The following LARP4 variants were observed in gnomAD, a reference collection of about 807,000 sequenced individuals.
LARP4 encodes la-related protein 4.
Under a neutral mutation model 92.9 loss-of-function variants are expected in LARP4, and 29 were observed. That is an observed-to-expected ratio of 0.31 (90% CI 0.23 to 0.43). LARP4 has a LOEUF of 0.43. Ranked by LOEUF, LARP4 falls within the 20% of genes least tolerant of loss-of-function variation. The pLI, the probability that LARP4 is intolerant of heterozygous loss-of-function variation, is 1.00. For synonymous variants in LARP4, 279 were observed against 284.1 expected (o/e 0.98, Z 0.18); for missense variants, 732 against 860.0 (o/e 0.85, Z 1.86).
intron 1 of LARP4, among the ~76,000 whole-genome samples, chr12:50,406,282 C>T (rs1185416833): frequency 1.3e-5 from 2 of 151,964 alleles, no homozygotes; most frequent in Non-Finnish European, 1.5e-5. Context: ...CCAGCCTGGG[C>T]AACAAAGTTA....
chr12:50,410,090 CA>C (rs59117589), intron 1 of LARP4, among the ~76,000 whole-genome samples: 16,582 of 109,782 alleles, frequency 0.15, 1,686 homozygotes, highest in East Asian at 0.5. Context: ...CCACGCCCGG[CA>C]AAAAAAAAAA....
chr12:50,462,565 C>CCATT lies in LARP4; in HGVS notation c.1335-17_1335-16insCATT. 6.7e-7 allele frequency: 1 copy of CCATT among 1,500,194 alleles called. No individual in the cohort carries two copies. Among genetic ancestry groups the CCATT allele is most frequent in the Non-Finnish European group, 9.2e-7 (1 of 1,091,514 alleles). 92.9% of individuals were successfully genotyped at this position (1,500,194 alleles called of 1,614,324 possible). ...TCCCTCCACCCCACCCCACCCCCAC[C>CCATT]TTTTTCTTATTAAAAGGAGAACTCT... On this transcript the variant is annotated splice_polypyrimidine_tract_variant and intron_variant, in intron 11 of 15. Coordinates refer to ENST00000398473, the MANE Select transcript of LARP4 (RefSeq NM_052879.5).
Position 50,475,777 on chromosome 12 carries a change from A to G in LARP4, c.2088A>G (p.Arg696=). 1.9e-6 allele frequency: 3 copies of G among 1,614,172 alleles called. No individual in the cohort carries two copies. The highest frequency in any genetic ancestry group is 2.5e-6 in the Non-Finnish European group (3 of 1,180,034). ...RGAAGKIREQ[R]RQFSHRAIPQ... is the part of the protein sequence containing the mutation. The stretch of plus-strand genomic sequence containing the variant: ...CAGCAGGAAAAATCAGGGAACAGAG[A>G]CGCCAGTTTAGCCATAGGGCTATAC... Residue 696 remains arginine, a synonymous_variant, in exon 16 of 16, where the codon AGA becomes AGG. Transcript: ENST00000398473.
At chr12:50,416,645 C>T (rs1006461744) in intron 1 of LARP4, among the ~76,000 whole-genome samples, 3 of 152,142 alleles carry the variant, frequency 2.0e-5, no homozygotes, top group Non-Finnish European at 4.4e-5. Context: ...GATCACACCA[C>T]TGCGCTCCAT....
At chr12:50,446,315 T>C (rs1342778134) in intron 8 of LARP4, among the ~76,000 whole-genome samples, 1 of 113,346 alleles carries the variant, frequency 8.8e-6, no homozygotes, top group Non-Finnish European at 1.7e-5. Flanking sequence ...CAATTGCTGT[T>C]TTCTTGACTA....
At chr12:50,452,794 T>C (rs1953468462) in intron 8 of LARP4, among the ~76,000 whole-genome samples, 1 of 152,180 alleles carries the variant, frequency 6.6e-6, no homozygotes, top group African/African-American at 2.4e-5. Flanking sequence ...TTCATAGCAT[T>C]GTTGGGCCTT....
chr12:50,413,391 C>T (rs1946245183), intron 1 of LARP4, among the ~76,000 whole-genome samples: 1 of 152,122 alleles, frequency 6.6e-6, no homozygotes. Context: ...TCATACACAA[C>T]TGAAATACAC....
intron 2 of LARP4, 30 bp downstream of exon 2, chr12:50,427,939 C>A: frequency 6.8e-7 from 1 of 1,471,382 alleles, no homozygotes; most frequent in Non-Finnish European, 9.2e-7. Flanking sequence ...TCATAAAAAT[C>A]ACAGTTTGGT....
At chr12:50,444,872 C>G in intron 8 of LARP4, among the ~76,000 whole-genome samples, 1 of 152,118 alleles carries the variant, frequency 6.6e-6, no homozygotes, top group South Asian at 2.1e-4. Flanking sequence ...CAACCAGCAA[C>G]GAATTCTCTT....
chr12:50,411,681 T>G (rs117735161), intron 1 of LARP4, among the ~76,000 whole-genome samples: 4 of 151,172 alleles, frequency 2.6e-5, no homozygotes, highest in Non-Finnish European at 5.9e-5. Flanking sequence ...TTTTTGTTTT[T>G]TCTTTTTTCT....
rs1957160191 is a variant in LARP4, at chr12:50,473,493, A to AT, written c.1625dup (p.Met542IlefsTer10). 6.2e-7 allele frequency: 1 copy of AT among 1,613,310 alleles called. No homozygotes were observed. Among genetic ancestry groups the AT allele is most frequent in the South Asian group, 1.1e-5 (1 of 91,076 alleles). On this transcript the variant is annotated frameshift_variant, in exon 14 of 16. Transcript: ENST00000398473. LOFTEE classifies it high-confidence loss of function. The stretch of plus-strand genomic sequence containing the variant: ...ATGCACTTCTGCCCAGCAACTCAAT[A>AT]TGAGTACCAGTTCTCCATGTGCTGC...
At chr12:50,473,304 C>A in intron 13 of LARP4, 111 bp from the exon 14 acceptor site, 1 of 734,116 alleles carries the variant, frequency 1.4e-6, no homozygotes, top group Non-Finnish European at 2.3e-6. Flanking sequence ...TTTAGCTTTG[C>A]ATTTTATGAT....
intron 1 of LARP4, among the ~76,000 whole-genome samples, chr12:50,409,185 G>A (rs867913678): frequency 6.6e-6 from 1 of 152,068 alleles, no homozygotes. Flanking sequence ...TGACCAGCAG[G>A]CAAGAAGAAA....
intron 3 of LARP4, 53 bp downstream of exon 3, chr12:50,429,143 C>A (rs1009554923): frequency 2.3e-6 from 3 of 1,300,580 alleles, no homozygotes; most frequent in Non-Finnish European, 2.2e-6. Flanking sequence ...GGACACCCCC[C>A]ACCCATGGTC....
intron 1 of LARP4, among the ~76,000 whole-genome samples, chr12:50,415,334 A>T (rs1297513531): frequency 6.6e-6 from 1 of 152,146 alleles, no homozygotes; most frequent in Non-Finnish European, 1.5e-5. Flanking sequence ...TTACACTTTG[A>T]GTATTCTTAG....
At position 50,425,725 on chromosome 12, in the gene LARP4, A is replaced by G. The variant is rs116778859; in HGVS notation, c.19-2037A>G. On this transcript the variant is annotated intron_variant, in intron 1 of 15. Transcript: ENST00000398473. ...CCCAGCTTTGCCTGCCAGCTCTGCAATTCACTTCCTAGATCATTTGTTCCC... is the reference window on the plus strand; with the variant it reads ...CCCAGCTTTGCCTGCCAGCTCTGCAGTTCACTTCCTAGATCATTTGTTCCC... 5.7e-3 allele frequency among the ~76,000 whole-genome samples: 864 copies of G among 152,170 alleles called. 6 individuals carry two copies. The highest frequency in any genetic ancestry group is 0.02 in the African/African-American group (822 of 41,502).
At chr12:50,453,732 G>C (rs1435741235) in intron 9 of LARP4, 60 bp downstream of exon 9, 2 of 1,155,988 alleles carry the variant, frequency 1.7e-6, no homozygotes, top group African/African-American at 1.6e-5. Flanking sequence ...GAAATTTGAA[G>C]AAATCAGTTG....
rs369165275 is a variant in LARP4 at position 50,400,907 on chromosome 12, A to G, written c.-104A>G. ...AGGAGCCGGGTCCACTGCCGGGTGGAGGGGCAAGGCGAGTGTGTGTCCTTA... is the reference window on the plus strand; with the variant it reads ...AGGAGCCGGGTCCACTGCCGGGTGGGGGGGCAAGGCGAGTGTGTGTCCTTA... On this transcript the variant is annotated 5_prime_UTR_variant, in exon 1 of 16. Transcript: ENST00000398473. 11 of 1,517,770 alleles carry G rather than the reference A, an allele frequency of 7.2e-6. No individual in the cohort carries two copies. The African/African-American group carries it at 1.2e-4, about 17-fold the overall frequency. The allele number at this position is 1,517,770 out of a possible 1,614,324, so 94.0% of individuals were successfully genotyped here.
chr12:50,433,673 T>A (rs1486279082), intron 4 of LARP4, among the ~76,000 whole-genome samples: 1 of 150,212 alleles, frequency 6.7e-6, no homozygotes, highest in African/African-American at 2.5e-5. Context: ...GAGTTCTCAC[T>A]CTATTGCGTA....
Sources: gnomAD v4.1 joint callset for allele counts (sites outside exome capture counted in the v4.1 genomes callset) on GRCh38, gnomAD v4.1.1 for gene constraint, MANE v1.5 for transcripts, NCBI Gene and HGNC (gene_info 2026-07-23, HGNC 2026-07-21) for gene names.